ATAD2B: variants seen among roughly 807,000 people sequenced by gnomAD.
The protein encoded by ATAD2B is ATPase family AAA domain-containing protein 2B.
A neutral mutation model predicts 167.6 loss-of-function variants in ATAD2B; 40 were observed. The observed-to-expected ratio is 0.24, with a 90% CI of 0.19 to 0.31. The LOEUF is 0.31. Among genes scored for constraint, ATAD2B ranks in the 10% least tolerant of loss-of-function variants. The pLI is 1.00. For missense variants in ATAD2B, 1,242 were observed against 1,757.2 expected (o/e 0.71, Z 5.24); for synonymous variants, 579 against 596.5 (o/e 0.97, Z 0.43).
At chr2:23,910,918 A>G (rs914366382) in intron 1 of ATAD2B, among the ~76,000 whole-genome samples, 1 of 151,338 alleles carries the variant, frequency 6.6e-6, no homozygotes, top group African/African-American at 2.4e-5. Context: ...GGAGCACGTT[A>G]AAGAGTCTGT....
chr2:23,833,657 A>G (rs1299481827), intron 14 of ATAD2B, among the ~76,000 whole-genome samples: 1 of 152,186 alleles, frequency 6.6e-6, no homozygotes, highest in Non-Finnish European at 1.5e-5. Context: ...AATTACTACA[A>G]TCTGGAGAAC....
chr2:23,900,319 G>A (rs1400326572), intron 1 of ATAD2B, among the ~76,000 whole-genome samples: 1 of 149,296 alleles, frequency 6.7e-6, no homozygotes, highest in African/African-American at 2.5e-5. Context: ...CTCCCACCTC[G>A]GCCCCACAAA....
the ATAD2B span, chr2:23,706,335 T>G: frequency 3.5e-6 from 2 of 565,420 alleles, no homozygotes; most frequent in Non-Finnish European, 5.6e-6. Context: ...CCAGCCCAGG[T>G]TAGAGGGCAA....
intron 1 of ATAD2B, among the ~76,000 whole-genome samples, chr2:23,920,224 A>G: frequency 6.6e-6 from 1 of 152,186 alleles, no homozygotes; most frequent in Admixed American, 6.5e-5. Flanking sequence ...TACAGGTTTC[A>G]ACATAATAGT....
chr2:23,833,192 G>A (rs1689342851), intron 14 of ATAD2B, among the ~76,000 whole-genome samples: 1 of 152,252 alleles, frequency 6.6e-6, no homozygotes, highest in South Asian at 2.1e-4. Context: ...CATACAGTCC[G>A]AATCACTTAA....
chr2:23,718,345 C>G, the ATAD2B span, among the ~76,000 whole-genome samples: 3 of 152,172 alleles, frequency 2.0e-5, no homozygotes, highest in Admixed American at 6.5e-5. Flanking sequence ...CAACAGTGGC[C>G]ATGATAGCAG....
intron 8 of ATAD2B, chr2:23,872,316 C>G (rs1696116787): frequency 1.8e-6 from 1 of 558,230 alleles, no homozygotes; most frequent in Non-Finnish European, 3.4e-6. Flanking sequence ...CCCCCAGGAA[C>G]TGCATGCACC....
At chr2:23,896,515 G>A (rs907049567) in intron 1 of ATAD2B, among the ~76,000 whole-genome samples, 2 of 152,044 alleles carry the variant, frequency 1.3e-5, no homozygotes, top group African/African-American at 2.4e-5. Flanking sequence ...AAGAAAGGGC[G>A]TGTGTTCTTA....
intron 2 of ATAD2B, among the ~76,000 whole-genome samples, chr2:23,889,459 C>T (rs945320285): frequency 7.2e-5 from 11 of 151,882 alleles, no homozygotes; most frequent in Admixed American, 1.3e-4. Flanking sequence ...TAAGCCACCG[C>T]GCCCAGCCCC....
Position 23,926,982 on chromosome 2 carries a change from C to T in ATAD2B, c.-212G>A. The T allele has an allele frequency of 1.8e-6, 1 of 567,302 alleles. No individual in the cohort carries two copies. Among genetic ancestry groups the T allele is most frequent in the Admixed American group, 3.8e-5 (1 of 26,096 alleles). 35.1% of individuals were successfully genotyped at this position (567,302 alleles called of 1,614,324 possible). On this transcript the variant is annotated 5_prime_UTR_variant, in exon 1 of 28. Transcript: ENST00000238789. ...CGGCGTGCGGGAAGCGGGGGCGGTG[C>T]TGCAGACCGGCAGCACAGACACTCC...
At chr2:23,784,001 A>T (rs1300303077) in intron 21 of ATAD2B, among the ~76,000 whole-genome samples, 4 of 152,084 alleles carry the variant, frequency 2.6e-5, no homozygotes, top group African/African-American at 9.7e-5. Context: ...AATATTAAGT[A>T]GAAGTGTATG....
At chr2:23,735,432 C>T in the ATAD2B span, among the ~76,000 whole-genome samples, 2 of 152,244 alleles carry the variant, frequency 1.3e-5, no homozygotes, top group African/African-American at 4.8e-5. Context: ...AGGAAAAAGG[C>T]CTAGATAACT....
At chr2:23,698,105 C>T in the ATAD2B span, among the ~76,000 whole-genome samples, 1 of 152,372 alleles carries the variant, frequency 6.6e-6, no homozygotes, top group Admixed American at 6.5e-5. Context: ...GAGCAGTTCT[C>T]CAAGACCAGG....
Position 23,926,836 on chromosome 2 carries a change from C to T in ATAD2B, c.-66G>A. On this transcript the variant is annotated 5_prime_UTR_variant, in exon 1 of 28. Transcript: ENST00000238789. ...AGCCGAGCAAGGCCGGCCCGCCGGC[C>T]GGTCAGTCAGGGCCAGCGGAGCCGA... 6.9e-7 allele frequency: 1 copy of T among 1,446,732 alleles called. No homozygotes were observed. The allele number at this position is 1,446,732 out of a possible 1,614,324, so 89.6% of individuals were successfully genotyped here.
At chr2:23,754,801 G>A (rs1675763786) in intron 25 of ATAD2B, 27 bp from the exon 26 acceptor site, 2 of 1,596,614 alleles carry the variant, frequency 1.3e-6, no homozygotes, top group East Asian at 2.2e-5. Flanking sequence ...AAAATACACT[G>A]CAGCAAGTAA....
chr2:23,862,159 T>C (rs1287692124), intron 12 of ATAD2B, among the ~76,000 whole-genome samples: 3 of 150,236 alleles, frequency 2.0e-5, no homozygotes, highest in Non-Finnish European at 4.4e-5. Context: ...ATCACATCAC[T>C]GCACTCCAGC....
At chr2:23,895,679 A>G (rs1394147559) in intron 2 of ATAD2B, 140 bp downstream of exon 2, 1 of 531,052 alleles carries the variant, frequency 1.9e-6, no homozygotes, top group Non-Finnish European at 3.0e-6. Context: ...TACAAAAATT[A>G]TAAAATAAGT....
chr2:23,908,565 G>A (rs1037663570), intron 1 of ATAD2B, among the ~76,000 whole-genome samples: 17 of 152,102 alleles, frequency 1.1e-4, no homozygotes, highest in Non-Finnish European at 2.2e-4. Context: ...CAACCCTTGT[G>A]GAAGTCAGTG....
intron 7 of ATAD2B, among the ~76,000 whole-genome samples, chr2:23,877,258 A>G (rs769537307): frequency 6.0e-5 from 9 of 151,154 alleles, no homozygotes; most frequent in Non-Finnish European, 7.4e-5. Flanking sequence ...TTTGAGGCGC[A>G]GTGGATCACT....
Sources: gnomAD v4.1 joint callset for allele counts (sites outside exome capture counted in the v4.1 genomes callset) on GRCh38, gnomAD v4.1.1 for gene constraint, MANE v1.5 for transcripts, NCBI Gene and HGNC (gene_info 2026-07-23, HGNC 2026-07-21) for gene names.